DMD: variants seen among roughly 807,000 people sequenced by gnomAD.
The protein encoded by DMD is mutant dystrophin.
DMD carries 63 observed loss-of-function variants against 330.1 expected under a neutral mutation model. The observed-to-expected ratio is 0.19, with a 90% CI of 0.16 to 0.24. The LOEUF (loss-of-function observed/expected upper bound fraction) is 0.24. DMD is among the 10% of genes least tolerant of loss of function. The pLI, the probability that DMD is intolerant of heterozygous loss-of-function variation, is 1.00. For synonymous variants in DMD, 1,223 were observed against 959.8 expected, an observed-to-expected ratio of 1.27 and a Z score of -5.07; for missense variants, 3,344 against 2,684.1, an observed-to-expected ratio of 1.25 and a Z score of -5.43.
At chrX:32,335,329 A>G (rs1387164498) in intron 41 of DMD, among the ~76,000 whole-genome samples, 3 of 107,615 alleles carry the variant, frequency 2.8e-5, no homozygotes, top group Admixed American at 1.0e-4. Context: ...AGCCTCTGAG[A>G]AGCTTGGATT....
At chrX:32,838,583 T>C (rs774150786) in intron 4 of DMD, among the ~76,000 whole-genome samples, 1 of 112,040 alleles carries the variant, frequency 8.9e-6, no homozygotes, top group South Asian at 3.7e-4. Flanking sequence ...AACTCATTCT[T>C]TTTTTATGGC....
At chrX:31,697,832 G>A (rs1569252658) in intron 52 of DMD, among the ~76,000 whole-genome samples, 4 of 111,855 alleles carry the variant, frequency 3.6e-5, no homozygotes, top group African/African-American at 9.7e-5. Context: ...TTTTTAGAAA[G>A]CAACTTTGAC....
chrX:32,508,095 C>T (rs2044821318), intron 18 of DMD, among the ~76,000 whole-genome samples: 1 of 110,692 alleles, frequency 9.0e-6, no homozygotes, highest in Admixed American at 9.7e-5. Flanking sequence ...GCAGGGCCAA[C>T]AAGATATCAC....
intron 44 of DMD, among the ~76,000 whole-genome samples, chrX:31,995,136 T>A (rs757332584): frequency 2.7e-5 from 3 of 111,773 alleles, no homozygotes; most frequent in Admixed American, 9.5e-5. Context: ...TCTCTCTGTG[T>A]GTATCTGTGT....
intron 1 of DMD, among the ~76,000 whole-genome samples, chrX:33,149,925 A>T: frequency 8.9e-6 from 1 of 111,801 alleles, no homozygotes; most frequent in African/African-American, 3.3e-5. Context: ...TTTATAATAA[A>T]TTGTTACTCA....
At chrX:32,722,340 C>T (rs7886868) in intron 7 of DMD, among the ~76,000 whole-genome samples, 10,668 of 110,305 alleles carry the variant, frequency 0.097, 1,217 homozygotes, top group African/African-American at 0.32. Flanking sequence ...ATGGTAACAA[C>T]TATTTCTATA....
At chrX:31,296,618 T>C (rs1406153564) in intron 62 of DMD, among the ~76,000 whole-genome samples, 2 of 111,917 alleles carry the variant, frequency 1.8e-5, no homozygotes, top group African/African-American at 3.2e-5. Flanking sequence ...GAGTGGGCCC[T>C]AATGTTACAA....
At chrX:31,173,500 T>G (rs2148226202) in intron 72 of DMD, 39 bp downstream of exon 72, 1 of 1,173,865 alleles carries the variant, frequency 8.5e-7, no homozygotes, top group African/African-American at 1.8e-5. Context: ...GGTTAGTTAT[T>G]TCAATCAATA....
At chrX:32,928,415 G>T (rs1458405218) in intron 2 of DMD, among the ~76,000 whole-genome samples, 1 of 110,768 alleles carries the variant, frequency 9.0e-6, no homozygotes, top group Non-Finnish European at 1.9e-5. Flanking sequence ...TTGTCTTTTG[G>T]TGTATATTTG....
intron 7 of DMD, among the ~76,000 whole-genome samples, chrX:32,730,460 T>C (rs148316859): frequency 2.7e-5 from 3 of 112,427 alleles, no homozygotes; most frequent in Non-Finnish European, 5.6e-5. Context: ...ACAATTTGAA[T>C]GTTTATGAAA....
intron 41 of DMD, among the ~76,000 whole-genome samples, chrX:32,334,597 T>A (rs721422): frequency 9.1e-6 from 1 of 110,417 alleles, no homozygotes; most frequent in South Asian, 3.8e-4. Flanking sequence ...ATTACTTTTC[T>A]TGTACATCTC....
chrX:31,900,033 A>C (rs2094401252), intron 47 of DMD, among the ~76,000 whole-genome samples: 1 of 111,617 alleles, frequency 9.0e-6, no homozygotes, highest in South Asian at 3.7e-4. Context: ...GCAGTAAAAC[A>C]AGTAAGTTAA....
rs112657478 is a variant in DMD at position 32,003,590 on chromosome X, T to G, written c.6439-35076A>C. Reference sequence around the variant, plus strand: ...AGATAGAATTTGGGATTACCTGTGTTGCTTATTAGAAAAGTTTTTAAATTA... The same window carrying G: ...AGATAGAATTTGGGATTACCTGTGTGGCTTATTAGAAAAGTTTTTAAATTA... On this transcript the variant is annotated intron_variant, in intron 44 of 78. Coordinates refer to ENST00000357033, the MANE Select transcript of DMD (RefSeq NM_004006.3). 5.1e-3 allele frequency among the ~76,000 whole-genome samples: 575 copies of G among 111,787 alleles called. 7 individuals carry two copies. Among genetic ancestry groups the G allele is most frequent in the African/African-American group, 0.018 (552 of 30,888 alleles).
chrX:32,404,318 G>A (rs1457346958), intron 30 of DMD, among the ~76,000 whole-genome samples: 1 of 111,494 alleles, frequency 9.0e-6, no homozygotes, highest in Non-Finnish European at 1.9e-5. Context: ...AGTGGACTCT[G>A]GAACACCTGA....
chrX:31,366,494 A>ACC (rs1569533379), intron 60 of DMD, among the ~76,000 whole-genome samples: 1 of 100,066 alleles, frequency 1.0e-5, no homozygotes, highest in Non-Finnish European at 2.0e-5. Flanking sequence ...AAAAAAAAAA[A>ACC]AACATAAAAA....
intron 7 of DMD, among the ~76,000 whole-genome samples, chrX:32,763,578 A>G (rs1231739225): frequency 8.9e-6 from 1 of 111,778 alleles, no homozygotes; most frequent in East Asian, 2.8e-4. Flanking sequence ...TCTAAACACC[A>G]CTAAGGGAGA....
At chrX:32,054,440 G>T (rs2096149576) in intron 44 of DMD, among the ~76,000 whole-genome samples, 2 of 103,438 alleles carry the variant, frequency 1.9e-5, no homozygotes, top group African/African-American at 7.1e-5. Flanking sequence ...GAGAACATGC[G>T]GTGTTTGGTT....
chrX:32,472,123 T>G (rs1444769743), intron 22 of DMD, 41 bp downstream of exon 22: 45 of 1,193,663 alleles, frequency 3.8e-5, no homozygotes, highest in Non-Finnish European at 5.0e-5. Context: ...GAATGCTTGA[T>G]AAGCGTGCTT....
intron 16 of DMD, among the ~76,000 whole-genome samples, chrX:32,545,945 T>G (rs2048927480): frequency 9.1e-6 from 1 of 109,742 alleles, no homozygotes; most frequent in Non-Finnish European, 1.9e-5. Flanking sequence ...ATTCAAATGC[T>G]AAAAAACACA....
Sources: gnomAD v4.1 joint callset for allele counts (sites outside exome capture counted in the v4.1 genomes callset) on GRCh38, gnomAD v4.1.1 for gene constraint, MANE v1.5 for transcripts, NCBI Gene and HGNC (gene_info 2026-07-23, HGNC 2026-07-21) for gene names.